The following TP53I13 variants were observed in gnomAD, a reference collection of about 807,000 sequenced individuals.
TP53I13 encodes the protein tumor protein p53 inducible protein 13.
Under a neutral mutation model 39.1 loss-of-function variants are expected in TP53I13, and 27 were observed. The observed-to-expected ratio is 0.69, with a 90% confidence interval of 0.51 to 0.95. The LOEUF is 0.95. TP53I13 is among the 40% of genes least tolerant of loss of function. The pLI, the probability that TP53I13 is intolerant of heterozygous loss-of-function variation, is 0.00. For missense variants in TP53I13, 544 were observed against 520.4 expected (o/e 1.05, Z -0.44); for synonymous variants, 230 against 224.6 (o/e 1.02, Z -0.22).
chr17:29,572,737 C>T (rs2033002831), intron 6 of TP53I13, 40 bp downstream of exon 6: 1 of 1,497,656 alleles, frequency 6.7e-7, no homozygotes, highest in Non-Finnish European at 8.9e-7. Context: ...GGCCCCCGCC[C>T]CACCTCGCGT....
downstream of TP53I13, chr17:29,577,149 C>G: frequency 1.2e-6 from 2 of 1,613,838 alleles, no homozygotes; most frequent in East Asian, 2.2e-5. Context: ...TGGGGCTGCT[C>G]AGGCTCTTGC....
chr17:29,577,336 G>A, downstream of TP53I13: 1 of 1,014,156 alleles, frequency 9.9e-7, no homozygotes, highest in Non-Finnish European at 1.5e-6. Flanking sequence ...GCATGGCTCT[G>A]CCATTTAATT....
chr17:29,569,436 T>A (rs920120371), intron 3 of TP53I13, 77 bp downstream of exon 3: 34 of 1,458,366 alleles, frequency 2.3e-5, no homozygotes, highest in Middle Eastern at 1.9e-4. Context: ...TCGCTGCCTG[T>A]TCTGCTGATC....
intron 3 of TP53I13, 99 bp from the exon 4 acceptor site, chr17:29,571,492 T>C: frequency 6.5e-7 from 1 of 1,534,286 alleles, no homozygotes; most frequent in Non-Finnish European, 8.8e-7. Context: ...CATCCAGCTA[T>C]CCTGGGAGTA....
At chr17:29,577,131 C>T (rs981474738), downstream of TP53I13, 1 of 1,612,646 alleles carries the variant, frequency 6.2e-7, no homozygotes, top group African/African-American at 1.3e-5. Context: ...ACACAACCCT[C>T]CCACCTGTGG....
Position 29,572,661 on chromosome 17 carries a change from T to TG in TP53I13, c.1038dup (p.Pro347AlafsTer99). On this transcript the variant is annotated frameshift_variant, in exon 6 of 7. Coordinates refer to ENST00000301057, the MANE Select transcript of TP53I13 (RefSeq NM_138349.4). LOFTEE classifies it high-confidence loss of function. The stretch of plus-strand genomic sequence containing the variant: ...CTTCCGACGCGGGGAGAGCATCTAC[T>TG]GGGGGCCCACAGCGGACAGCCAGGA... The TG allele has an allele frequency of 6.3e-7, 1 of 1,580,872 alleles. No individual in the cohort carries two copies. Among genetic ancestry groups the TG allele is most frequent in the South Asian group, 1.2e-5 (1 of 86,802 alleles).
At chr17:29,570,962 A>T (rs566438359) in intron 3 of TP53I13, 1 of 152,374 alleles carries the variant, frequency 6.6e-6, no homozygotes, top group Non-Finnish European at 1.5e-5. Flanking sequence ...CCTCCTCTGA[A>T]TCTATCTCTG....
the TP53I13 span, chr17:29,582,287 C>T: frequency 3.1e-6 from 2 of 638,390 alleles, no homozygotes; most frequent in East Asian, 5.5e-5. Context: ...AGGACAGAGG[C>T]TTCCCGCTAG....
downstream of TP53I13, chr17:29,575,496 G>C: frequency 6.3e-7 from 1 of 1,590,838 alleles, no homozygotes; most frequent in Non-Finnish European, 8.6e-7. The surrounding 1 kb of genome is among the most constrained non-coding windows in gnomAD (Gnocchi z 5.5). Flanking sequence ...AGAAAACAGA[G>C]ACAAAGATAC....
rs1246911984 is a variant in TP53I13, at chr17:29,572,423, C to T, written c.795C>T (p.Ser265=). 1.3e-6 allele frequency: 2 copies of T among 1,587,646 alleles called. No homozygotes were observed. The highest frequency in any genetic ancestry group is 3.4e-5 in the Admixed American group (2 of 58,614). The change falls in exon 6 of 7, where the codon TCC becomes TCT. Residue 265 remains serine (S), a synonymous_variant. Coordinates refer to ENST00000301057, the MANE Select transcript of TP53I13 (RefSeq NM_138349.4). Reference sequence around the variant, plus strand: ...GGGCGCCTGGAGGCAATGCCAGCTCCAGGACAGAGGCTCAGGTGCCCAACG... The same window carrying T: ...GGGCGCCTGGAGGCAATGCCAGCTCTAGGACAGAGGCTCAGGTGCCCAACG... ...LPGAPGGNAS[S]RTEAQVPNGQ...
chr17:29,578,821 C>A, the TP53I13 span: 4 of 1,601,224 alleles, frequency 2.5e-6, no homozygotes, highest in Non-Finnish European at 2.6e-6. Context: ...AGAGGAGAGA[C>A]CTGAGAGGTG....
the TP53I13 span, chr17:29,578,409 T>C: frequency 6.3e-7 from 1 of 1,594,444 alleles, no homozygotes; most frequent in Non-Finnish European, 8.6e-7. Context: ...GTCAGATGCA[T>C]CGGCTCCCAG....
chr17:29,572,339 G>A lies in TP53I13; in HGVS notation c.711G>A (p.Ala237=), dbSNP rs747688684. The part of the protein sequence containing the change: ...PGSLKAKQSM[A]GIPGRESNAP... ...GCTTGAAGGCCAAGCAGTCCATGGCGGGAATCCCTGGTAGGGAGAGTAATG... is the reference window on the plus strand; with the variant it reads ...GCTTGAAGGCCAAGCAGTCCATGGCAGGAATCCCTGGTAGGGAGAGTAATG... Residue 237 remains alanine, a synonymous_variant, in exon 6 of 7, where the codon GCG becomes GCA. Transcript: ENST00000301057. The A allele has an allele frequency of 1.1e-5, 17 of 1,611,284 alleles. No individual in the cohort carries two copies. The East Asian group carries it at 2.5e-4, about 23-fold the overall frequency.
At chr17:29,577,093 G>C, downstream of TP53I13, 1 of 1,607,254 alleles carries the variant, frequency 6.2e-7, no homozygotes, top group South Asian at 1.1e-5. Context: ...AAGACCCCTG[G>C]AGCCCCGCCT....
chr17:29,577,089 C>G, downstream of TP53I13: 1 of 1,607,148 alleles, frequency 6.2e-7, no homozygotes, highest in Non-Finnish European at 8.5e-7. Flanking sequence ...AGGAAAGACC[C>G]CTGGAGCCCC....
intron 3 of TP53I13, 68 bp from the exon 4 acceptor site, chr17:29,571,523 A>G: frequency 1.5e-5 from 24 of 1,598,642 alleles, no homozygotes; most frequent in Non-Finnish European, 2.0e-5. Context: ...GGTCCCCTGG[A>G]TGGGAGAACT....
chr17:29,579,640 G>A, the TP53I13 span, among the ~76,000 whole-genome samples: 1 of 151,968 alleles, frequency 6.6e-6, no homozygotes, highest in Non-Finnish European at 1.5e-5. Context: ...AAGAGGCTAT[G>A]GTAGGAGGAT....
At chr17:29,569,635 ACTCT>A in intron 3 of TP53I13, 3 of 351,250 alleles carry the variant, frequency 8.5e-6, no homozygotes, top group Non-Finnish European at 1.6e-5. Flanking sequence ...TGTGAGTGGA[ACTCT>A]CTCTGAGAGT....
chr17:29,578,216 C>A, the TP53I13 span: 117 of 1,166,580 alleles, frequency 1.0e-4, no homozygotes, highest in Admixed American at 4.6e-4. Flanking sequence ...CCAGGCACCC[C>A]TTCTTAGCCC....
Sources: allele counts gnomAD v4.1 joint callset (sites outside exome capture counted in the v4.1 genomes callset), GRCh38; gene constraint gnomAD v4.1.1; non-coding constraint Gnocchi (gnomAD v3.1); transcripts MANE v1.5; gene names NCBI Gene and HGNC (gene_info 2026-07-23, HGNC 2026-07-21).